The following FILIP1L variants were observed in gnomAD, a reference collection of about 807,000 sequenced individuals.
The protein encoded by FILIP1L is filamin A interacting protein 1 like, also known as filamin A-interacting protein 1-like.
A neutral mutation model predicts 96.6 loss-of-function variants in FILIP1L; 55 were observed. The ratio of observed to expected loss-of-function variants is 0.57; its 90% CI spans 0.46 to 0.71. FILIP1L has a LOEUF of 0.71. FILIP1L is among the 30% of genes least tolerant of loss of function. The probability of loss-of-function intolerance (pLI) is 0.00; values close to 1 mark genes in which losing one functional copy is unlikely to be tolerated. For missense variants in FILIP1L, 1,304 were observed against 1,321.2 expected, an observed-to-expected ratio of 0.99 and a Z score of 0.20; for synonymous variants, 467 against 473.9, an observed-to-expected ratio of 0.99 and a Z score of 0.19.
intron 1 of FILIP1L, among the ~76,000 whole-genome samples, chr3:100,050,028 A>T (rs951921001): frequency 3.9e-5 from 6 of 152,174 alleles, no homozygotes; most frequent in Admixed American, 2.0e-4. Context: ...GTTAATCACT[A>T]TTTAGCTCTA....
intron 1 of FILIP1L, among the ~76,000 whole-genome samples, chr3:99,997,846 C>A (rs35521705): frequency 6.6e-6 from 1 of 152,042 alleles, no homozygotes; most frequent in Non-Finnish European, 1.5e-5. Flanking sequence ...ATAAGTCATG[C>A]TCTTATTACA....
At chr3:100,009,136 A>T (rs182856538) in intron 1 of FILIP1L, among the ~76,000 whole-genome samples, 42 of 152,338 alleles carry the variant, frequency 2.8e-4, no homozygotes, top group African/African-American at 1.0e-3. Flanking sequence ...TGAGAATTCA[A>T]ATTGAGTGCA....
At chr3:100,002,424 T>A (rs1415411185) in intron 1 of FILIP1L, among the ~76,000 whole-genome samples, 1 of 152,082 alleles carries the variant, frequency 6.6e-6, no homozygotes, top group Non-Finnish European at 1.5e-5. Flanking sequence ...ATCTCAGGAG[T>A]GAATATTCAC....
At chr3:99,861,838 C>G (rs1268428750) in intron 4 of FILIP1L, among the ~76,000 whole-genome samples, 1 of 152,152 alleles carries the variant, frequency 6.6e-6, no homozygotes, top group African/African-American at 2.4e-5. Flanking sequence ...GTTTTTGCAG[C>G]TGAATCCCGG....
chr3:100,052,262 G>C (rs2065386925), intron 1 of FILIP1L, among the ~76,000 whole-genome samples: 1 of 152,228 alleles, frequency 6.6e-6, no homozygotes, highest in Non-Finnish European at 1.5e-5. Context: ...TTTTGCATGA[G>C]CAGACATGGC....
At chr3:99,894,676 A>G (rs1038469649) in intron 4 of FILIP1L, among the ~76,000 whole-genome samples, 22 of 152,206 alleles carry the variant, frequency 1.4e-4, no homozygotes, top group African/African-American at 4.3e-4. Flanking sequence ...CCTCATAAAA[A>G]CGATATTATT....
chr3:100,020,184 A>G (rs576908851), intron 1 of FILIP1L, among the ~76,000 whole-genome samples: 2 of 152,262 alleles, frequency 1.3e-5, no homozygotes, highest in South Asian at 4.1e-4. Context: ...AAAGCCTTGT[A>G]TCTTCATTTA....
chr3:99,876,338 CGT>C, intron 4 of FILIP1L: 1 of 447,444 alleles, frequency 2.2e-6, no homozygotes, highest in South Asian at 9.4e-5. Context: ...ATGTTCCGGC[CGT>C]GTGAACGGAC....
chr3:100,014,883 T>TTTC (rs1710280724), intron 1 of FILIP1L, among the ~76,000 whole-genome samples: 14 of 125,312 alleles, frequency 1.1e-4, no homozygotes, highest in African/African-American at 2.6e-4. Context: ...TCTTTTTTTT[T>TTTC]TTTCTTTCTT....
intron 4 of FILIP1L, among the ~76,000 whole-genome samples, chr3:99,912,476 C>T (rs1446544259): frequency 6.6e-6 from 1 of 152,172 alleles, no homozygotes; most frequent in Non-Finnish European, 1.5e-5. Context: ...TCCCTGGACT[C>T]AGGTGATCCT....
intron 4 of FILIP1L, among the ~76,000 whole-genome samples, chr3:99,852,833 A>T (rs907385330): frequency 6.6e-6 from 1 of 152,112 alleles, no homozygotes; most frequent in African/African-American, 2.4e-5. Flanking sequence ...CTTTTCTGTA[A>T]TTTTCTGTAA....
At chr3:99,949,268 C>T (rs192556905) in intron 1 of FILIP1L, among the ~76,000 whole-genome samples, 1 of 152,202 alleles carries the variant, frequency 6.6e-6, no homozygotes, top group Admixed American at 6.5e-5. Context: ...GGCTGGTTTC[C>T]TCAATTTTTA....
chr3:99,920,085 G>A (rs1707077172), intron 4 of FILIP1L, among the ~76,000 whole-genome samples: 2 of 152,074 alleles, frequency 1.3e-5, no homozygotes, highest in African/African-American at 4.8e-5. Context: ...GTAATTTAAG[G>A]CTTTAACACA....
At chr3:99,844,158 T>C (rs1943259732) in intron 5 of FILIP1L, among the ~76,000 whole-genome samples, 1 of 152,190 alleles carries the variant, frequency 6.6e-6, no homozygotes, top group African/African-American at 2.4e-5. Context: ...TCTTACAGCA[T>C]ATTGCTAGCC....
Position 99,829,595 on chromosome 3 carries a change from C to A in FILIP1L, c.*819G>T, listed in dbSNP as rs942995029. Among the ~76,000 whole-genome samples the A allele has an allele frequency of 5.9e-5, 9 of 152,170 alleles. No homozygotes were observed. Among genetic ancestry groups the A allele is most frequent in the African/African-American group, 2.2e-4 (9 of 41,418 alleles). On this transcript the variant is annotated 3_prime_UTR_variant, in exon 6 of 6. Coordinates refer to ENST00000477258, the MANE Select transcript of FILIP1L (RefSeq NM_001387850.1). ...AGCTCGTTGTCACATGAATGAAAAT[C>A]TAGGATTGGAATTTGAGTCTCCTAA...
chr3:99,935,110 A>T (rs1425488409), intron 1 of FILIP1L, among the ~76,000 whole-genome samples: 1 of 152,190 alleles, frequency 6.6e-6, no homozygotes, highest in Non-Finnish European at 1.5e-5. Context: ...GAAAACAAAG[A>T]CATGAATTTC....
intron 1 of FILIP1L, among the ~76,000 whole-genome samples, chr3:99,975,542 A>C (rs1708944990): frequency 6.6e-6 from 1 of 151,972 alleles, no homozygotes; most frequent in Admixed American, 6.6e-5. Flanking sequence ...CAGTGAGCCG[A>C]GGTCACACCA....
intron 5 of FILIP1L, among the ~76,000 whole-genome samples, chr3:99,840,022 T>C (rs2107502734): frequency 6.6e-6 from 1 of 152,204 alleles, no homozygotes; most frequent in African/African-American, 2.4e-5. Flanking sequence ...GGAGATATTA[T>C]TGTCACAGTT....
chr3:99,948,834 G>A (rs1235689988), intron 1 of FILIP1L, among the ~76,000 whole-genome samples: 2 of 152,170 alleles, frequency 1.3e-5, no homozygotes, highest in South Asian at 2.1e-4. Flanking sequence ...GACATCATCA[G>A]GGTTGGAAGG....
Sources: allele counts gnomAD v4.1 joint callset (sites outside exome capture counted in the v4.1 genomes callset), GRCh38; gene constraint gnomAD v4.1.1; transcripts MANE v1.5; gene names NCBI Gene and HGNC (gene_info 2026-07-23, HGNC 2026-07-21).